The following ZFHX3 variants were observed in gnomAD, a reference collection of about 807,000 sequenced individuals.
ZFHX3 encodes the protein zinc finger homeobox 3.
In ZFHX3, 42 loss-of-function variants were observed where a neutral mutation model predicts 279.1. The ratio of observed to expected loss-of-function variants is 0.15; its 90% confidence interval spans 0.12 to 0.19. The LOEUF is 0.19. ZFHX3 is among the 10% of genes least tolerant of loss of function. The probability of loss-of-function intolerance (pLI) is 1.00; values close to 1 mark genes in which losing one functional copy is unlikely to be tolerated. For missense variants in ZFHX3, 4,981 were observed against 4,754.0 expected (o/e 1.05, Z -1.40); for synonymous variants, 2,293 against 1,957.8 (o/e 1.17, Z -4.52).
chr16:72,826,904 T>C (rs2036946540), intron 5 of ZFHX3, among the ~76,000 whole-genome samples: 1 of 152,208 alleles, frequency 6.6e-6, no homozygotes, highest in Non-Finnish European at 1.5e-5. Context: ...TTGCCTAGCA[T>C]GTCCACTAGT....
intron 2 of ZFHX3, among the ~76,000 whole-genome samples, chr16:73,477,328 C>T (rs564911308): frequency 2.6e-5 from 4 of 152,238 alleles, no homozygotes; most frequent in East Asian, 3.9e-4. Context: ...CATTGGCTTT[C>T]GTGAGTAAGG....
At position 73,218,755 on chromosome 16, in the gene ZFHX3, C is replaced by T. The variant is rs150269596; in HGVS notation, c.-1104+38292G>A. Among the ~76,000 whole-genome samples the T allele has an allele frequency of 2.0e-3, 309 of 152,210 alleles. 2 individuals carry two copies. The highest frequency in any genetic ancestry group is 6.8e-3 in the African/African-American group (282 of 41,544). On this transcript the variant is annotated intron_variant, in intron 5 of 17. Transcript: ENST00000641206. Reference sequence around the variant, plus strand: ...CTGCCCTCCAGCCTGGGTGACAGAGCGAGACCCTGTCTCAAAAAATAAATA... The same window carrying T: ...CTGCCCTCCAGCCTGGGTGACAGAGTGAGACCCTGTCTCAAAAAATAAATA...
At chr16:73,176,403 A>G (rs1967665291) in intron 5 of ZFHX3, among the ~76,000 whole-genome samples, 1 of 152,194 alleles carries the variant, frequency 6.6e-6, no homozygotes, top group African/African-American at 2.4e-5. Context: ...GTGAAAGCAT[A>G]GTTCCCATTT....
chr16:72,829,273 A>G lies in ZFHX3; in HGVS notation c.3529+506T>C, dbSNP rs150201073. ...AGTGATCCTCCCACCTCAGCCTCCC[A>G]AAGTATTGAGATTACATGAGCCACT... is the stretch of plus-strand genomic sequence containing the variant. On this transcript the variant is annotated intron_variant, in intron 5 of 9. Transcript: ENST00000268489. 9.5e-3 allele frequency among the ~76,000 whole-genome samples: 1,438 copies of G among 151,430 alleles called. 18 individuals are homozygous for G. Among genetic ancestry groups the G allele is most frequent in the South Asian group, 0.073 (348 of 4,774 alleles).
At chr16:72,990,957 G>A (rs1350035335) in intron 1 of ZFHX3, among the ~76,000 whole-genome samples, 1 of 151,832 alleles carries the variant, frequency 6.6e-6, no homozygotes, top group East Asian at 1.9e-4. Flanking sequence ...TCCAGCCTGG[G>A]TGACAGAGTG....
intron 1 of ZFHX3, among the ~76,000 whole-genome samples, chr16:73,769,534 T>A (rs543605616): frequency 2.7e-4 from 41 of 152,328 alleles, no homozygotes; most frequent in African/African-American, 8.9e-4. Context: ...TCTATATTTA[T>A]ATGCAGGAAT....
chr16:73,890,210 CTTGTAA>C (rs757256430), intron 1 of ZFHX3, among the ~76,000 whole-genome samples: 1 of 140,140 alleles, frequency 7.1e-6, no homozygotes, highest in Non-Finnish European at 1.5e-5. Context: ...ATTTTTTCTT[CTTGTAA>C]TTGTAAGAGT....
chr16:73,096,359 A>G (rs372316271), intron 7 of ZFHX3, among the ~76,000 whole-genome samples: 86 of 151,054 alleles, frequency 5.7e-4, no homozygotes, highest in African/African-American at 2.0e-3. Flanking sequence ...TTCCTAAACC[A>G]ATGAAAACTC....
At chr16:73,485,774 C>T (rs1210913863) in intron 2 of ZFHX3, among the ~76,000 whole-genome samples, 1 of 152,208 alleles carries the variant, frequency 6.6e-6, no homozygotes, top group Non-Finnish European at 1.5e-5. Flanking sequence ...TGGGCTGGCT[C>T]ATCCTCATCC....
chr16:73,392,829 C>T (rs1319778046), intron 3 of ZFHX3, among the ~76,000 whole-genome samples: 1 of 53,660 alleles, frequency 1.9e-5, no homozygotes, highest in African/African-American at 7.6e-5. Flanking sequence ...AGAAGTGTAT[C>T]TTTGTTTTTT....
Position 73,753,785 on chromosome 16 carries a change from GT to G in ZFHX3, c.-1607-73546del, listed in dbSNP as rs34956657. Among the ~76,000 whole-genome samples, 1,252 of 148,564 alleles carry G rather than the reference GT, an allele frequency of 8.4e-3. 7 individuals are homozygous for G. The highest frequency in any genetic ancestry group is 0.011 in the Non-Finnish European group (740 of 66,898). On this transcript the variant is annotated intron_variant, in intron 1 of 17. Coordinates refer to the ZFHX3 transcript ENST00000641206. Reference sequence around the variant, plus strand: ...ATCAACAATATACTTTCAATAAGGTGTTTTTTTTTTAAGAGAAAAACTCACA... The same window carrying G: ...ATCAACAATATACTTTCAATAAGGTGTTTTTTTTTAAGAGAAAAACTCACA...
chr16:73,847,326 C>G (rs889472704), intron 1 of ZFHX3, among the ~76,000 whole-genome samples: 3 of 152,098 alleles, frequency 2.0e-5, no homozygotes, highest in Non-Finnish European at 4.4e-5. Context: ...TTAAGGATGA[C>G]ACTGCTTCCT....
At chr16:72,871,135 AC>A (rs1188278452) in intron 4 of ZFHX3, among the ~76,000 whole-genome samples, 5 of 152,206 alleles carry the variant, frequency 3.3e-5, no homozygotes, top group Non-Finnish European at 7.3e-5. Context: ...TATGTAAAGT[AC>A]ATTACTTTTC....
chr16:73,703,794 T>G (rs16972333), intron 1 of ZFHX3, among the ~76,000 whole-genome samples: 1 of 152,124 alleles, frequency 6.6e-6, no homozygotes, highest in Non-Finnish European at 1.5e-5. Context: ...AGGTTTAAGA[T>G]GCACTAACAG....
At chr16:73,302,616 T>A (rs1477748169) in intron 4 of ZFHX3, among the ~76,000 whole-genome samples, 1 of 152,230 alleles carries the variant, frequency 6.6e-6, no homozygotes, top group Admixed American at 6.5e-5. Context: ...AACCTCCAGT[T>A]GGCCTGGAGA....
chr16:73,888,307 C>T (rs1248106153), intron 1 of ZFHX3, among the ~76,000 whole-genome samples: 2 of 152,150 alleles, frequency 1.3e-5, no homozygotes, highest in African/African-American at 2.4e-5. Context: ...CCTCCCCTTC[C>T]CCCCACGGAA....
intron 1 of ZFHX3, among the ~76,000 whole-genome samples, chr16:73,682,924 G>GAGAAAGAA (rs764517017): frequency 5.7e-4 from 25 of 43,490 alleles, no homozygotes; most frequent in South Asian, 2.9e-3. Context: ...AAGAGAGAAA[G>GAGAAAGAA]AGAAAGAAAG....
chr16:73,475,625 T>C (rs1183517662), intron 2 of ZFHX3, among the ~76,000 whole-genome samples: 1 of 152,162 alleles, frequency 6.6e-6, no homozygotes, highest in Non-Finnish European at 1.5e-5. Flanking sequence ...TTGTTGTTAA[T>C]AAATTTGAAA....
chr16:73,625,265 T>C lies in ZFHX3; in HGVS notation c.-1547+54915A>G, dbSNP rs566022158. Among the ~76,000 whole-genome samples, 68 of 152,346 alleles carry C rather than the reference T, an allele frequency of 4.5e-4. 1 individual carries two copies. The South Asian group carries it at 6.8e-3, about 15-fold the overall frequency. On this transcript the variant is annotated intron_variant, in intron 2 of 17. Transcript: ENST00000641206. ...GCTGCTGTTTGTAGTGAGCTGGTTA[T>C]GTTTTCTGATAATTCAGAATAATAA... is the stretch of plus-strand genomic sequence containing the variant.
Sources: gnomAD v4.1 joint callset for allele counts (sites outside exome capture counted in the v4.1 genomes callset) on GRCh38, gnomAD v4.1.1 for gene constraint, MANE v1.5 for transcripts, NCBI Gene and HGNC (gene_info 2026-07-23, HGNC 2026-07-21) for gene names.